Variants in MDGA2 observed in about 807,000 individuals in gnomAD.
The protein encoded by MDGA2 is MAM domain-containing glycosylphosphatidylinositol anchor protein 2.
In MDGA2, 40 loss-of-function variants were observed where a neutral mutation model predicts 117.8. The observed-to-expected ratio is 0.34, with a 90% CI of 0.26 to 0.44. The LOEUF (loss-of-function observed/expected upper bound fraction) is 0.44, where lower values mean the gene tolerates loss of function less well. MDGA2 is among the 20% of genes least tolerant of loss of function. The pLI, the probability that MDGA2 is intolerant of heterozygous loss-of-function variation, is 1.00. For missense variants in MDGA2, 1,123 were observed against 1,250.6 expected, an observed-to-expected ratio of 0.90 and a Z score of 1.54; for synonymous variants, 452 against 439.0, an observed-to-expected ratio of 1.03 and a Z score of -0.37.
chr14:47,471,103 A>T (rs531142031), intron 1 of MDGA2, among the ~76,000 whole-genome samples: 5 of 152,180 alleles, frequency 3.3e-5, no homozygotes, highest in African/African-American at 1.2e-4. Context: ...AAATATTGTG[A>T]GTTGATAGTG....
chr14:47,145,336 G>C (rs1882898249), intron 3 of MDGA2, among the ~76,000 whole-genome samples: 1 of 152,040 alleles, frequency 6.6e-6, no homozygotes, highest in South Asian at 2.1e-4. Context: ...AACACAATAG[G>C]TAAATTAATA....
At chr14:47,326,477 T>C (rs1323100229) in intron 1 of MDGA2, among the ~76,000 whole-genome samples, 1 of 152,058 alleles carries the variant, frequency 6.6e-6, no homozygotes, top group Non-Finnish European at 1.5e-5. Context: ...CTCAAATAGC[T>C]TTCCAATTAT....
intron 1 of MDGA2, among the ~76,000 whole-genome samples, chr14:47,673,913 A>T (rs1267146910): frequency 6.6e-6 from 1 of 151,860 alleles, no homozygotes; most frequent in Non-Finnish European, 1.5e-5. Context: ...ATCCATTCAC[A>T]CAAACATGTC....
chr14:47,010,724 A>C (rs1054616201), intron 8 of MDGA2, among the ~76,000 whole-genome samples: 3 of 152,146 alleles, frequency 2.0e-5, no homozygotes, highest in Admixed American at 6.6e-5. Context: ...AAGTGTCCCC[A>C]CCTATGTAAT....
At chr14:46,901,989 A>G (rs1166580032) in intron 10 of MDGA2, among the ~76,000 whole-genome samples, 2 of 152,180 alleles carry the variant, frequency 1.3e-5, no homozygotes. Context: ...TCCAGATGCC[A>G]CTAGGTTTAA....
At chr14:47,568,844 T>A (rs190975033) in intron 1 of MDGA2, among the ~76,000 whole-genome samples, 102 of 152,312 alleles carry the variant, frequency 6.7e-4, no homozygotes, top group African/African-American at 2.3e-3. Flanking sequence ...AATTTTTTTT[T>A]AAGTTTGCAC....
chr14:46,920,607 C>T (rs983377235), intron 9 of MDGA2, among the ~76,000 whole-genome samples: 4 of 152,046 alleles, frequency 2.6e-5, no homozygotes, highest in Non-Finnish European at 4.4e-5. Flanking sequence ...AGCCAAGAGA[C>T]GGATATTACC....
chr14:47,126,476 T>C (rs1881909034), intron 5 of MDGA2, among the ~76,000 whole-genome samples: 1 of 151,970 alleles, frequency 6.6e-6, no homozygotes, highest in Non-Finnish European at 1.5e-5. Flanking sequence ...AAACAAGAAA[T>C]GGGAGTCAAC....
intron 1 of MDGA2, among the ~76,000 whole-genome samples, chr14:47,443,414 G>C (rs1893055031): frequency 6.6e-6 from 1 of 152,080 alleles, no homozygotes; most frequent in African/African-American, 2.4e-5. Context: ...TGGATATGGA[G>C]AACTACTATA....
intron 8 of MDGA2, among the ~76,000 whole-genome samples, chr14:47,012,281 A>G (rs1206101369): frequency 1.3e-5 from 2 of 152,142 alleles, no homozygotes; most frequent in Non-Finnish European, 2.9e-5. Flanking sequence ...ATCAACCTCC[A>G]TGATGCAAAT....
intron 2 of MDGA2, among the ~76,000 whole-genome samples, chr14:47,301,021 G>A (rs927366066): frequency 2.0e-5 from 3 of 151,864 alleles, no homozygotes; most frequent in African/African-American, 4.8e-5. Flanking sequence ...AATACCTCTC[G>A]GTTGCAATTA....
At chr14:47,528,073 T>C (rs1313685881) in intron 1 of MDGA2, among the ~76,000 whole-genome samples, 1 of 152,202 alleles carries the variant, frequency 6.6e-6, no homozygotes, top group Non-Finnish European at 1.5e-5. Flanking sequence ...ACCCTTGACC[T>C]TTTTTGTATC....
At chr14:47,476,982 T>C (rs867181679) in intron 1 of MDGA2, among the ~76,000 whole-genome samples, 1 of 151,934 alleles carries the variant, frequency 6.6e-6, no homozygotes, top group African/African-American at 2.4e-5. Flanking sequence ...ACCAACATGG[T>C]GAAACCCCGT....
chr14:47,061,474 G>T lies in MDGA2; in HGVS notation c.1300C>A (p.Pro434Thr). The T allele has an allele frequency of 6.2e-7, 1 of 1,613,448 alleles. No homozygotes were observed. The highest frequency in any genetic ancestry group is 1.3e-5 in the African/African-American group (1 of 74,996). Residue 434 changes from proline to threonine, a missense_variant, in exon 7 of 17, where the codon CCT (proline) becomes ACT (threonine). Around this residue, in one of 2 missense-constraint regions of MDGA2, gnomAD observed 890 missense variants for 1,050.3 expected, o/e 0.85. Coordinates refer to ENST00000399232, the MANE Select transcript of MDGA2 (RefSeq NM_001113498.3). The stretch of plus-strand genomic sequence containing the variant: ...CAACTAAATGTTAGCTCCTCAGAAG[G>T]AACAGCTTCTACTTGGCAAGATATT... ...VKISCQVEAVPSEELTFSWFK... is the reference protein window; with the variant it reads ...VKISCQVEAVTSEELTFSWFK...
chr14:47,305,598 C>T (rs1889416825), intron 1 of MDGA2, among the ~76,000 whole-genome samples: 1 of 152,096 alleles, frequency 6.6e-6, no homozygotes, highest in Admixed American at 6.6e-5. Flanking sequence ...TCTACAATGG[C>T]AACAACCAGG....
chr14:47,238,629 G>A (rs866336217), intron 2 of MDGA2, among the ~76,000 whole-genome samples: 4 of 151,282 alleles, frequency 2.6e-5, no homozygotes, highest in Non-Finnish European at 3.0e-5. Flanking sequence ...CCTATGGACC[G>A]CTCAAAAAAA....
chr14:47,356,652 G>A (rs1438992224), intron 1 of MDGA2, among the ~76,000 whole-genome samples: 1 of 152,188 alleles, frequency 6.6e-6, no homozygotes. Flanking sequence ...TCTGTGGGTT[G>A]TGTGGACCTC....
chr14:47,066,859 A>C (rs551903464), intron 6 of MDGA2, among the ~76,000 whole-genome samples: 1 of 151,998 alleles, frequency 6.6e-6, no homozygotes, highest in African/African-American at 2.4e-5. Context: ...GTAGTGGCTC[A>C]TGCCTGCACT....
chr14:46,896,166 A>G (rs977708873), intron 10 of MDGA2, among the ~76,000 whole-genome samples: 4 of 152,156 alleles, frequency 2.6e-5, no homozygotes, highest in Non-Finnish European at 5.9e-5. Flanking sequence ...TTTGGTTAAT[A>G]TATTTTCATA....
Sources: allele counts gnomAD v4.1 joint callset (sites outside exome capture counted in the v4.1 genomes callset), GRCh38; gene constraint gnomAD v4.1.1; regional missense constraint gnomAD v4.1.1; transcripts MANE v1.5; gene names NCBI Gene and HGNC (gene_info 2026-07-23, HGNC 2026-07-21).